Variants in COL5A2 observed in about 807,000 individuals in gnomAD.
The protein encoded by COL5A2 is collagen alpha-2(V) chain.
A neutral mutation model predicts 208.2 loss-of-function variants in COL5A2; 23 were observed. The observed-to-expected ratio is 0.11, with a 90% confidence interval of 0.08 to 0.16. The LOEUF (loss-of-function observed/expected upper bound fraction) is 0.16. Among genes scored for constraint, COL5A2 ranks in the 10% least tolerant of loss-of-function variants. COL5A2 has a pLI of 1.00. For missense variants in COL5A2, 1,590 were observed against 1,956.4 expected, an observed-to-expected ratio of 0.81 and a Z score of 3.53; for synonymous variants, 625 against 628.5, an observed-to-expected ratio of 0.99 and a Z score of 0.08.
At chr2:189,254,602 T>G in the COL5A2 span, among the ~76,000 whole-genome samples, 2 of 152,318 alleles carry the variant, frequency 1.3e-5, no homozygotes, top group African/African-American at 4.8e-5. Context: ...TATGCTCTAG[T>G]GCTGTGCCCC....
At chr2:189,309,227 G>A in the COL5A2 span, among the ~76,000 whole-genome samples, 2 of 152,148 alleles carry the variant, frequency 1.3e-5, no homozygotes, top group Non-Finnish European at 2.9e-5. Flanking sequence ...CCAGCACCAG[G>A]AAAAGGGAGT....
At chr2:189,167,664 A>ACTTT (rs1688492659) in intron 1 of COL5A2, among the ~76,000 whole-genome samples, 2 of 140,140 alleles carry the variant, frequency 1.4e-5, no homozygotes, top group Non-Finnish European at 3.1e-5. Context: ...GAAAGAAGTG[A>ACTTT]TTTTTTTTTT....
At position 189,032,551 on chromosome 2, in the gene COL5A2, CA is replaced by C. The variant is rs1260647418; in HGVS notation, c.*1518del. ...AGCGTGCATTTAATTTGATGCTTTG[CA>C]GAGATACATGACCAAAGTTGTATGC... is the stretch of plus-strand genomic sequence containing the variant. On this transcript the variant is annotated 3_prime_UTR_variant, in exon 54 of 54. Transcript: ENST00000374866. 6.6e-6 allele frequency: 1 copy of C among 151,986 alleles called. No homozygotes were observed. The highest frequency in any genetic ancestry group is 1.5e-5 in the Non-Finnish European group (1 of 67,994). 9.4% of individuals were successfully genotyped at this position (151,986 alleles called of 1,614,324 possible).
rs751683516 is a variant in COL5A2 at position 189,053,470 on chromosome 2, C to T, written c.2507G>A (p.Arg836Gln). The T allele has an allele frequency of 7.4e-6, 12 of 1,613,580 alleles. No homozygotes were observed. Among genetic ancestry groups the T allele is most frequent in the African/African-American group, 1.3e-5 (1 of 74,892 alleles). ...PPGSRGNPGS[R>Q]GENGPTGAVG... ...AGCTCCAGTTGGCCCATTTTCACCT[C>T]GAGAACCCTAGGAGGAGACAAAGAT... is the stretch of plus-strand genomic sequence containing the variant. The change falls in exon 38 of 54, where the codon CGA becomes CAA. Residue 836 changes from arginine to glutamine, a missense_variant. Physicochemically the swap from Arg to Gln is conservative, Grantham distance 43. Coordinates refer to ENST00000374866, the MANE Select transcript of COL5A2 (RefSeq NM_000393.5).
chr2:189,035,393 A>T (rs959068027), intron 52 of COL5A2, among the ~76,000 whole-genome samples: 2 of 152,072 alleles, frequency 1.3e-5, no homozygotes, highest in Admixed American at 1.3e-4. Flanking sequence ...ACCAATAATA[A>T]CAATAATTCA....
chr2:189,058,369 G>A, intron 33 of COL5A2, 60 bp downstream of exon 33: 14 of 1,225,558 alleles, frequency 1.1e-5, no homozygotes, highest in Admixed American at 1.0e-4. Flanking sequence ...ACACCATCAT[G>A]CGTTTATTAA....
chr2:189,232,200 T>C, the COL5A2 span, among the ~76,000 whole-genome samples: 7 of 151,790 alleles, frequency 4.6e-5, no homozygotes, highest in East Asian at 3.9e-4. Flanking sequence ...GTAAACCTTC[T>C]GAATTTTTGT....
intron 1 of COL5A2, among the ~76,000 whole-genome samples, chr2:189,219,953 C>G (rs1689326839): frequency 6.6e-6 from 1 of 152,000 alleles, no homozygotes; most frequent in East Asian, 1.9e-4. Context: ...AATTTTTGAA[C>G]AAAGGGGTCC....
chr2:189,266,292 G>A, the COL5A2 span, among the ~76,000 whole-genome samples: 1 of 152,018 alleles, frequency 6.6e-6, no homozygotes, highest in South Asian at 2.1e-4. Flanking sequence ...GGGGCATGGT[G>A]GCACGCACCT....
chr2:189,111,904 C>G (rs1358813637), intron 1 of COL5A2, among the ~76,000 whole-genome samples: 1 of 149,024 alleles, frequency 6.7e-6, no homozygotes, highest in African/African-American at 2.5e-5. Context: ...TTGTTCTTGT[C>G]GCCCAGGCAG....
intron 1 of COL5A2, among the ~76,000 whole-genome samples, chr2:189,170,325 G>C (rs1178145871): frequency 6.6e-6 from 1 of 152,194 alleles, no homozygotes; most frequent in African/African-American, 2.4e-5. Context: ...TGGCATTTAT[G>C]CATGGGTGGA....
chr2:189,071,803 T>G (rs1686280536), intron 18 of COL5A2, among the ~76,000 whole-genome samples: 1 of 152,192 alleles, frequency 6.6e-6, no homozygotes, highest in Admixed American at 6.5e-5. Context: ...CACATCAGGT[T>G]CTTTGATATT....
At chr2:189,420,786 A>G in the COL5A2 span, among the ~76,000 whole-genome samples, 4 of 152,096 alleles carry the variant, frequency 2.6e-5, no homozygotes, top group Admixed American at 1.3e-4. Context: ...AGCCCCAACT[A>G]TACTTTTTAC....
chr2:189,150,865 T>C (rs988727386), intron 1 of COL5A2, among the ~76,000 whole-genome samples: 1 of 152,140 alleles, frequency 6.6e-6, no homozygotes, highest in Non-Finnish European at 1.5e-5. Context: ...AAGCTCCTGC[T>C]TGGTTACTTC....
the COL5A2 span, among the ~76,000 whole-genome samples, chr2:189,426,135 G>C: frequency 6.6e-6 from 1 of 152,144 alleles, no homozygotes. Context: ...AAGAAGACAG[G>C]AAGACAAGGG....
chr2:189,067,866 T>C (rs1224202290), intron 21 of COL5A2, 149 bp downstream of exon 21: 1 of 723,944 alleles, frequency 1.4e-6, no homozygotes, highest in Non-Finnish European at 2.5e-6. Flanking sequence ...TACCTCAACA[T>C]TTAGCTTTCA....
At chr2:189,270,083 C>T in the COL5A2 span, among the ~76,000 whole-genome samples, 2 of 152,022 alleles carry the variant, frequency 1.3e-5, no homozygotes, top group African/African-American at 2.4e-5. Context: ...TGGTGATATT[C>T]CCTTTATCAT....
chr2:189,431,234 G>T, the COL5A2 span, among the ~76,000 whole-genome samples: 1 of 152,186 alleles, frequency 6.6e-6, no homozygotes, highest in African/African-American at 2.4e-5. Context: ...AAAAGATGGG[G>T]AGAAACAAGA....
chr2:189,061,663 C>A, intron 29 of COL5A2, 48 bp from the exon 30 acceptor site: 1 of 1,349,854 alleles, frequency 7.4e-7, no homozygotes, highest in South Asian at 1.2e-5. Context: ...AGATCTTTGT[C>A]TGCTTCCTCT....
Sources: allele counts gnomAD v4.1 joint callset (sites outside exome capture counted in the v4.1 genomes callset), GRCh38; gene constraint gnomAD v4.1.1; transcripts MANE v1.5; gene names NCBI Gene and HGNC (gene_info 2026-07-23, HGNC 2026-07-21).